Variants in SAXO5 observed in about 807,000 individuals in gnomAD.
SAXO5 encodes testis expressed 45.
At chr19:7,498,620 T>G in the SAXO5 span, among the ~76,000 whole-genome samples, 1 of 152,134 alleles carries the variant, frequency 6.6e-6, no homozygotes, top group Non-Finnish European at 1.5e-5. Context: ...GGTCTTGAAC[T>G]CCGACCTCAG....
At chr19:7,505,813 A>G in the SAXO5 span, 1 of 939,834 alleles carries the variant, frequency 1.1e-6, no homozygotes, top group Non-Finnish European at 1.6e-6. Flanking sequence ...CTGTAAAATG[A>G]GATAAGAGTA....
At chr19:7,508,389 G>A in the SAXO5 span, 13 of 1,613,174 alleles carry the variant, frequency 8.1e-6, no homozygotes, top group South Asian at 9.9e-5. Flanking sequence ...AGACCCTCTG[G>A]TCCCCCAGCC....
the SAXO5 span, among the ~76,000 whole-genome samples, chr19:7,502,775 G>T: frequency 6.6e-6 from 1 of 152,110 alleles, no homozygotes; most frequent in South Asian, 2.1e-4. Context: ...TACAAAATGG[G>T]TGCAATCACA....
At chr19:7,498,905 T>C in the SAXO5 span, 1 of 152,068 alleles carries the variant, frequency 6.6e-6, no homozygotes, top group Non-Finnish European at 1.5e-5. Flanking sequence ...AGGCTTGGAG[T>C]CTGAAGCTGA....
the SAXO5 span, chr19:7,506,208 G>GT: frequency 7.9e-7 from 1 of 1,269,888 alleles, no homozygotes; most frequent in Non-Finnish European, 1.0e-6. Context: ...GCCCCGCCCC[G>GT]GGAAGCCCCA....
the SAXO5 span, chr19:7,506,802 C>T: frequency 2.0e-6 from 1 of 496,406 alleles, no homozygotes; most frequent in Non-Finnish European, 3.6e-6. Context: ...TTCCTCCTCC[C>T]CCACCTCCTC....
At chr19:7,507,008 C>G in the SAXO5 span, 1 of 1,507,374 alleles carries the variant, frequency 6.6e-7, no homozygotes, top group Non-Finnish European at 9.2e-7. Context: ...CCCTCAGCCC[C>G]GCCTCGGCCC....
chr19:7,500,025 C>T, the SAXO5 span: 1 of 151,840 alleles, frequency 6.6e-6, no homozygotes, highest in Non-Finnish European at 1.5e-5. Context: ...TCAAGCAGTC[C>T]TCTTGCTCTG....
At chr19:7,504,296 C>T in the SAXO5 span, 1 of 1,614,034 alleles carries the variant, frequency 6.2e-7, no homozygotes, top group Non-Finnish European at 8.5e-7. Context: ...CCTTCCTATC[C>T]CTGTCTGCCC....
chr19:7,501,012 G>C, the SAXO5 span: 1 of 1,528,070 alleles, frequency 6.5e-7, no homozygotes, highest in Non-Finnish European at 8.7e-7. Flanking sequence ...GCCGCCGCCC[G>C]CGCTGCTTTT....
At chr19:7,506,284 CG>C in the SAXO5 span, 1 of 900,876 alleles carries the variant, frequency 1.1e-6, no homozygotes. Context: ...AGCCCCGTCC[CG>C]GGAAGCCCAG....
chr19:7,500,475 T>G, the SAXO5 span, among the ~76,000 whole-genome samples: 18 of 151,530 alleles, frequency 1.2e-4, no homozygotes, highest in Non-Finnish European at 2.5e-4. Flanking sequence ...CTAATTTTTT[T>G]TAAAAATTAT....
the SAXO5 span, chr19:7,506,966 G>A: frequency 8.5e-6 from 9 of 1,055,860 alleles, no homozygotes; most frequent in Non-Finnish European, 1.3e-5. Flanking sequence ...CCTGGGCTTG[G>A]CTCTTGAACC....
At chr19:7,497,938 G>T in the SAXO5 span, among the ~76,000 whole-genome samples, 1 of 152,122 alleles carries the variant, frequency 6.6e-6, no homozygotes, top group East Asian at 1.9e-4. Flanking sequence ...ATCACCTGAG[G>T]CTAGGAGTTC....
At chr19:7,506,939 G>T in the SAXO5 span, 1 of 764,490 alleles carries the variant, frequency 1.3e-6, no homozygotes, top group Admixed American at 2.2e-5. Flanking sequence ...TTCTCCCCTG[G>T]TCAACTTCAG....
At chr19:7,506,155 G>A in the SAXO5 span, 9 of 1,605,554 alleles carry the variant, frequency 5.6e-6, no homozygotes, top group Non-Finnish European at 7.7e-6. Flanking sequence ...ACCTGCCGCG[G>A]GGCACGGGCG....
chr19:7,501,043 A>T, the SAXO5 span: 1 of 1,516,278 alleles, frequency 6.6e-7, no homozygotes, highest in Non-Finnish European at 8.8e-7. Context: ...CCGCGCTGGG[A>T]CCGGGAAGAG....
chr19:7,506,451 T>G, the SAXO5 span: 1 of 459,474 alleles, frequency 2.2e-6, no homozygotes, highest in Non-Finnish European at 4.0e-6. Context: ...GCCATGCCTC[T>G]CCCCTTCATA....
chr19:7,500,908 G>A, the SAXO5 span: 30 of 1,583,550 alleles, frequency 1.9e-5, no homozygotes, highest in Non-Finnish European at 2.6e-5. Context: ...TTCTCGCTGG[G>A]GCCTGACCTG....
Sources: allele counts gnomAD v4.1 joint callset (sites outside exome capture counted in the v4.1 genomes callset), GRCh38; gene constraint gnomAD v4.1.1; transcripts MANE v1.5; gene names NCBI Gene and HGNC (gene_info 2026-07-23, HGNC 2026-07-21).